The following LIF variants were observed in gnomAD, a reference collection of about 807,000 sequenced individuals.
LIF encodes the protein LIF interleukin 6 family cytokine.
Under a neutral mutation model 15.0 loss-of-function variants are expected in LIF, and 9 were observed. The observed-to-expected ratio is 0.60, with a 90% CI of 0.36 to 1.04. The LOEUF (loss-of-function observed/expected upper bound fraction) is 1.04, where lower values mean the gene tolerates loss of function less well. Ranked by LOEUF, LIF falls within the 50% of genes least tolerant of loss-of-function variation. The probability of loss-of-function intolerance (pLI) is 0.01; values close to 1 mark genes in which losing one functional copy is unlikely to be tolerated. For synonymous variants in LIF, 122 were observed against 119.7 expected (o/e 1.02, Z -0.13); for missense variants, 240 against 266.7 (o/e 0.90, Z 0.70).
In LIF at chr22:30,246,644, G is replaced by T. The variant is rs757839261; in HGVS notation, c.19+33C>A. 23 of 1,548,620 alleles carry T rather than the reference G, an allele frequency of 1.5e-5. No homozygotes were observed. In the African/African-American group the frequency reaches 2.7e-4, roughly 18 times the overall value. The stretch of plus-strand genomic sequence containing the variant: ...AGTTGCCGCCGCGCCCCGCAGCGGG[G>T]ACGCGAAGCCGGCGCGGGGCGGGTG... On this transcript the variant is annotated intron_variant, in intron 1 of 2. Transcript: ENST00000249075.
rs373862134 is a variant in LIF, at chr22:30,246,447, C to T, written c.19+230G>A. On this transcript the variant is annotated intron_variant, in intron 1 of 2. Coordinates refer to ENST00000249075, the MANE Select transcript of LIF (RefSeq NM_002309.5). Reference sequence around the variant, plus strand: ...GGGAAGAAGAGGAGGAGGAGGAAGGCTCGGCGCCCCCTCCCTCGCCGCCAA... The same window carrying T: ...GGGAAGAAGAGGAGGAGGAGGAAGGTTCGGCGCCCCCTCCCTCGCCGCCAA... 63 of 1,209,430 alleles carry T rather than the reference C, an allele frequency of 5.2e-5. No homozygotes were observed. The African/African-American group carries it at 9.9e-4, about 19-fold the overall frequency. 74.9% of individuals were successfully genotyped at this position (1,209,430 alleles called of 1,614,324 possible). A position where few individuals can be genotyped will look rare whatever the true frequency, so the allele number is the denominator to read the frequency against.
Position 30,244,834 on chromosome 22 carries a change from C to T in LIF, c.119G>A (p.Cys40Tyr). ...GATCTGGTTCATGAGGTTGTTGTGA[C>T]ATGGGTGGCGTATGGCACAGGTGGC... ...VNATCAIRHPCHNNLMNQIRS... is the reference protein window; with the variant it reads ...VNATCAIRHPYHNNLMNQIRS... Residue 40 changes from cysteine (C) to tyrosine (Y), a missense_variant, in exon 2 of 3, where the codon TGT becomes TAT. Physicochemically the swap from Cys to Tyr is radical, Grantham distance 194 (BLOSUM62 -2). Coordinates refer to ENST00000249075, the MANE Select transcript of LIF (RefSeq NM_002309.5). 1 of 1,614,212 alleles carries T rather than the reference C, an allele frequency of 6.2e-7. No homozygotes were observed. Among genetic ancestry groups the T allele is most frequent in the Non-Finnish European group, 8.5e-7 (1 of 1,180,026 alleles).
chr22:30,244,070 C>CTG lies in LIF; in HGVS notation c.199-10_199-9insCA. 6.3e-7 allele frequency: 1 copy of CTG among 1,593,986 alleles called. No individual in the cohort carries two copies. Among genetic ancestry groups the CTG allele is most frequent in the Non-Finnish European group, 8.5e-7 (1 of 1,170,506 alleles). Reference sequence around the variant, plus strand: ...TCCCCCTGGGCTGTGTACTGAGGGGCAGAAGGGAGGTGACGTGGGAGTCAG... The same window carrying CTG: ...TCCCCCTGGGCTGTGTACTGAGGGGCTGAGAAGGGAGGTGACGTGGGAGTCAG... On this transcript the variant is annotated splice_polypyrimidine_tract_variant and intron_variant, in intron 2 of 2. Coordinates refer to ENST00000249075, the MANE Select transcript of LIF (RefSeq NM_002309.5).
chr22:30,244,815 GTT>G lies in LIF; in HGVS notation c.136_137del (p.Asn46ProfsTer103). 6.2e-7 allele frequency: 1 copy of G among 1,614,198 alleles called. No homozygotes were observed. The highest frequency in any genetic ancestry group is 1.1e-5 in the South Asian group (1 of 91,090). On this transcript the variant is annotated frameshift_variant, in exon 2 of 3. Coordinates refer to ENST00000249075, the MANE Select transcript of LIF (RefSeq NM_002309.5). LOFTEE classifies it high-confidence loss of function. ...IRHPCHNNLMNQIRSQLAQLN... is the reference protein window; with the variant it reads ...IRHPCHNNLMXQIRSQLAQLN... Reference sequence around the variant, plus strand: ...GCTGTGCCAGTTGGCTCCTGATCTGGTTCATGAGGTTGTTGTGACATGGGTGG... The same window carrying G: ...GCTGTGCCAGTTGGCTCCTGATCTGGCATGAGGTTGTTGTGACATGGGTGG...
In LIF at chr22:30,243,942, G is replaced by T; in HGVS notation, c.318C>A (p.Tyr106Ter). Residue 106 changes from tyrosine to a stop codon, truncating the protein, a stop_gained, in exon 3 of 3, where the codon TAC (tyrosine) becomes TAA (stop). Transcript: ENST00000249075. LOFTEE classifies it high-confidence loss of function. This position sits in a 1 kb window ranked among gnomAD's most constrained non-coding sequence, Gnocchi z 6.0. ...AGGTGCCAAGGTACACGACTATGCG[G>T]TACAGCTCCACCAGCTTGGCCTTCT... ...GTEKAKLVEL[Y>*]RIVVYLGTSL... The T allele has an allele frequency of 6.2e-7, 1 of 1,614,240 alleles. No individual in the cohort carries two copies.
At position 30,242,018 on chromosome 22, in the gene LIF, G is replaced by A. The variant is rs1487568830; in HGVS notation, c.*1633C>T. On this transcript the variant is annotated 3_prime_UTR_variant, in exon 3 of 3. Coordinates refer to ENST00000249075, the MANE Select transcript of LIF (RefSeq NM_002309.5). Reference sequence around the variant, plus strand: ...CCGTCTATGGGTGTCCGGGCCACAGGAGGAGCTTCCCTGCTGTGTCGGAGC... The same window carrying A: ...CCGTCTATGGGTGTCCGGGCCACAGAAGGAGCTTCCCTGCTGTGTCGGAGC... 6.5e-6 allele frequency: 1 copy of A among 152,932 alleles called. No individual in the cohort carries two copies. The highest frequency in any genetic ancestry group is 1.5e-5 in the Non-Finnish European group (1 of 68,228). The allele number at this position is 152,932 out of a possible 1,614,324, so 9.5% of individuals were successfully genotyped here.
chr22:30,244,144 T>C, intron 2 of LIF, 83 bp from the exon 3 acceptor site: 1 of 1,377,458 alleles, frequency 7.3e-7, no homozygotes, highest in Non-Finnish European at 9.9e-7. Context: ...AGCTCTTGCG[T>C]CTGTTTCCCC....
intron 1 of LIF, among the ~76,000 whole-genome samples, chr22:30,245,412 C>T (rs987813336): frequency 6.6e-6 from 1 of 152,322 alleles, no homozygotes; most frequent in East Asian, 1.9e-4. Flanking sequence ...CCCAAATCTC[C>T]GAAGCCAGGC....
At chr22:30,244,228 A>G (rs1928787385) in intron 2 of LIF, among the ~76,000 whole-genome samples, 167 bp from the exon 3 acceptor site, 1 of 152,120 alleles carries the variant, frequency 6.6e-6, no homozygotes, top group Admixed American at 6.5e-5. Flanking sequence ...ACTAATTGTA[A>G]TGTGAGTGCC....
Position 30,243,602 on chromosome 22 carries a change from A to G in LIF, c.*49T>C. 1 of 1,612,642 alleles carries G rather than the reference A, an allele frequency of 6.2e-7. No individual in the cohort carries two copies. Among genetic ancestry groups the G allele is most frequent in the Non-Finnish European group, 8.5e-7 (1 of 1,179,444 alleles). Reference sequence around the variant, plus strand: ...CCCTTGGACAGGCCCCCACATCTGGACCCAACTCCTGAGATCCCTCGGTTC... The same window carrying G: ...CCCTTGGACAGGCCCCCACATCTGGGCCCAACTCCTGAGATCCCTCGGTTC... On this transcript the variant is annotated 3_prime_UTR_variant, in exon 3 of 3. Transcript: ENST00000249075. This position sits in a 1 kb window ranked among gnomAD's most constrained non-coding sequence, Gnocchi z 6.0.
chr22:30,245,016 C>T, intron 1 of LIF, 83 bp from the exon 2 acceptor site: 1 of 1,357,408 alleles, frequency 7.4e-7, no homozygotes, highest in Non-Finnish European at 1.0e-6. Context: ...GGGGGTCCAA[C>T]AATGGCCGCA....
intron 1 of LIF, 151 bp downstream of exon 1, chr22:30,246,526 C>T: frequency 7.7e-7 from 1 of 1,306,062 alleles, no homozygotes; most frequent in African/African-American, 1.6e-5. Context: ...CGCTCCGGGC[C>T]GCCACCCAGC....
At chr22:30,246,416 G>A in intron 1 of LIF, 2 of 1,146,038 alleles carry the variant, frequency 1.7e-6, no homozygotes, top group South Asian at 4.0e-5. Context: ...GGAGGAGAAG[G>A]AGAGGGGGAA....
intron 1 of LIF, among the ~76,000 whole-genome samples, 173 bp from the exon 2 acceptor site, chr22:30,245,106 T>C (rs1054032112): frequency 8.5e-5 from 13 of 152,198 alleles, no homozygotes; most frequent in Admixed American, 4.6e-4. Flanking sequence ...ACTGCGTGTG[T>C]TTCTCTGTCT....
intron 1 of LIF, 99 bp downstream of exon 1, chr22:30,246,578 T>C: frequency 6.7e-7 from 1 of 1,485,674 alleles, no homozygotes; most frequent in Non-Finnish European, 9.0e-7. Flanking sequence ...TTCGTGTGTC[T>C]GCGGCGGGTG....
chr22:30,244,943 G>C lies in LIF; in HGVS notation c.20-10C>G. The C allele has an allele frequency of 4.3e-6, 7 of 1,613,880 alleles. No homozygotes were observed. The highest frequency in any genetic ancestry group is 5.9e-6 in the Non-Finnish European group (7 of 1,179,834). On this transcript the variant is annotated splice_polypyrimidine_tract_variant and intron_variant, in intron 1 of 2. Coordinates refer to ENST00000249075, the MANE Select transcript of LIF (RefSeq NM_002309.5). Reference sequence around the variant, plus strand: ...AGCAGGGGCACAACTCCTGGGGACAGTCAGGAAGAAGCCATGAGTAGAAAG... The same window carrying C: ...AGCAGGGGCACAACTCCTGGGGACACTCAGGAAGAAGCCATGAGTAGAAAG...
chr22:30,246,687 G>C lies in LIF; in HGVS notation c.9C>G (p.Val3=), dbSNP rs1338742003. The change falls in exon 1 of 3, where the codon GTC becomes GTG. Residue 3 remains valine (V), a synonymous_variant. Coordinates refer to ENST00000249075, the MANE Select transcript of LIF (RefSeq NM_002309.5). MK[V]LAAGVVPLLL... ...GGCGGGTGTATTTACCTGCCGCCAAGACCTTCATTATGGGCTGCACTTCAG... is the reference window on the plus strand; with the variant it reads ...GGCGGGTGTATTTACCTGCCGCCAACACCTTCATTATGGGCTGCACTTCAG... 5 of 1,558,758 alleles carry C rather than the reference G, an allele frequency of 3.2e-6. No individual in the cohort carries two copies. The highest frequency in any genetic ancestry group is 1.9e-5 in the Admixed American group (1 of 52,460).
rs760609254 is a variant in LIF, at chr22:30,246,737, G to A, written c.-42C>T. On this transcript the variant is annotated 5_prime_UTR_variant, in exon 1 of 3. Coordinates refer to ENST00000249075, the MANE Select transcript of LIF (RefSeq NM_002309.5). The stretch of plus-strand genomic sequence containing the variant: ...GAGGGCCTTGGAGGAAACCTCAGAT[G>A]CCGGCAGTTTTCAGAGGTTCATGCT... 1.4e-5 allele frequency: 21 copies of A among 1,550,812 alleles called. No homozygotes were observed. The highest frequency in any genetic ancestry group is 1.2e-5 in the South Asian group (1 of 84,174).
chr22:30,244,665 G>T (rs904548277), intron 2 of LIF, 90 bp downstream of exon 2: 3 of 1,241,932 alleles, frequency 2.4e-6, no homozygotes, highest in Non-Finnish European at 3.5e-6. Flanking sequence ...AGCCCCAAAA[G>T]GTCCCCTCAA....
Sources: gnomAD v4.1 joint callset for allele counts (sites outside exome capture counted in the v4.1 genomes callset) on GRCh38, gnomAD v4.1.1 for gene constraint, Gnocchi (gnomAD v3.1) non-coding constraint, MANE v1.5 for transcripts, NCBI Gene and HGNC (gene_info 2026-07-23, HGNC 2026-07-21) for gene names.